Variants in MYOM3 observed in about 807,000 individuals in gnomAD.
The protein encoded by MYOM3 is myomesin 3, also known as myomesin-3.
A neutral mutation model predicts 191.7 loss-of-function variants in MYOM3; 155 were observed. The ratio of observed to expected loss-of-function variants is 0.81; its 90% CI spans 0.71 to 0.92. MYOM3 has a LOEUF of 0.92. MYOM3 is among the 40% of genes least tolerant of loss of function. The probability of loss-of-function intolerance (pLI) is 0.00; values close to 1 mark genes in which losing one functional copy is unlikely to be tolerated. For synonymous variants in MYOM3, 757 were observed against 762.9 expected (o/e 0.99, Z 0.13); for missense variants, 1,889 against 1,890.6 (o/e 1.00, Z 0.02).
At chr1:24,091,114 T>A in intron 11 of MYOM3, 118 bp from the exon 12 acceptor site, 1 of 1,192,136 alleles carries the variant, frequency 8.4e-7, no homozygotes, top group Non-Finnish European at 1.2e-6. Context: ...CTCTGCCAAT[T>A]AAAGTTCTTC....
rs1644038148 is a variant in MYOM3 at position 24,111,523 on chromosome 1, C to T, written c.-19+508G>A. 6.6e-6 allele frequency among the ~76,000 whole-genome samples: 1 copy of T among 152,230 alleles called. No homozygotes were observed. The highest frequency in any genetic ancestry group is 1.5e-5 in the Non-Finnish European group (1 of 68,032). ...GTCATGAGCTGAGGCAACTCCTTTC[C>T]CGTCTGGGCCTCGGTTTCCTGTCAG... On this transcript the variant is annotated intron_variant, in intron 1 of 36. Transcript: ENST00000374434. This position sits in a 1 kb window ranked among gnomAD's most constrained non-coding sequence, Gnocchi z 4.7.
chr1:24,107,575 C>T (rs574627386), intron 3 of MYOM3, among the ~76,000 whole-genome samples: 2 of 152,306 alleles, frequency 1.3e-5, no homozygotes, highest in Admixed American at 1.3e-4. Context: ...ACCACCCAAG[C>T]CTCCTAGCCC....
intron 14 of MYOM3, among the ~76,000 whole-genome samples, chr1:24,088,151 G>A (rs1355980340): frequency 1.3e-5 from 2 of 152,130 alleles, no homozygotes; most frequent in African/African-American, 4.8e-5. Flanking sequence ...ACAGATGAGT[G>A]AGGTACCCAG....
chr1:24,093,238 T>G, intron 9 of MYOM3, 130 bp from the exon 10 acceptor site: 1 of 646,070 alleles, frequency 1.5e-6, no homozygotes, highest in South Asian at 1.9e-5. Context: ...AGCTCAGGCC[T>G]TGGGTGGGGG....
rs1643689065 is a variant in MYOM3, at chr1:24,082,728, G to A, written c.1971-14C>T. 1 of 1,587,110 alleles carries A rather than the reference G, an allele frequency of 6.3e-7. No individual in the cohort carries two copies. The highest frequency in any genetic ancestry group is 1.4e-5 in the African/African-American group (1 of 73,476). On this transcript the variant is annotated splice_polypyrimidine_tract_variant and intron_variant, in intron 16 of 36. Coordinates refer to ENST00000374434, the MANE Select transcript of MYOM3 (RefSeq NM_152372.4). Reference sequence around the variant, plus strand: ...GGAACTGTAAACCTGGGAGAGAAATGTGCAGCTTTCATGGATGTACAAACA... The same window carrying A: ...GGAACTGTAAACCTGGGAGAGAAATATGCAGCTTTCATGGATGTACAAACA...
chr1:24,082,246 G>A (rs754066189), intron 17 of MYOM3, 58 bp from the exon 18 acceptor site: 46 of 1,462,062 alleles, frequency 3.1e-5, no homozygotes, highest in Non-Finnish European at 4.1e-5. Flanking sequence ...GGATTGGACA[G>A]TGGGGCCTGA....
intron 5 of MYOM3, among the ~76,000 whole-genome samples, chr1:24,100,358 G>A (rs992800610): frequency 6.6e-6 from 1 of 152,160 alleles, no homozygotes; most frequent in Non-Finnish European, 1.5e-5. Flanking sequence ...AGGTGCTCAA[G>A]GGTTTATTTC....
intron 18 of MYOM3, 24 bp downstream of exon 18, chr1:24,081,977 G>A: frequency 6.3e-7 from 1 of 1,594,448 alleles, no homozygotes; most frequent in Non-Finnish European, 8.5e-7. Flanking sequence ...CATGACACAG[G>A]CTGGGGCCAC....
Position 24,089,609 on chromosome 1 carries a change from C to T in MYOM3, c.1543G>A (p.Ala515Thr), listed in dbSNP as rs1439056793. ...TNVHASEIRE[A>T]YVVLAWEEPS... ...TCCTCCCAGGCCAGAACCACATAGG[C>T]CTCTCGGATCTCGCTGGCATGGACA... The change falls in exon 14 of 37, where the codon GCC becomes ACC. Residue 515 changes from alanine to threonine, a missense_variant. By Grantham distance (58) the Ala-to-Thr change is moderately conservative. Transcript: ENST00000374434. 2.5e-6 allele frequency: 4 copies of T among 1,595,556 alleles called. No homozygotes were observed. Among genetic ancestry groups the T allele is most frequent in the Non-Finnish European group, 3.4e-6 (4 of 1,171,288 alleles).
intron 29 of MYOM3, among the ~76,000 whole-genome samples, chr1:24,064,628 G>T (rs1184549516): frequency 6.6e-6 from 1 of 152,222 alleles, no homozygotes; most frequent in East Asian, 1.9e-4. Flanking sequence ...GCCCATGTTT[G>T]TCAGCCCCAA....
At chr1:24,102,292 G>A (rs1483396161) in intron 5 of MYOM3, among the ~76,000 whole-genome samples, 1 of 152,178 alleles carries the variant, frequency 6.6e-6, no homozygotes, top group Non-Finnish European at 1.5e-5. Flanking sequence ...TAATCTGGGT[G>A]CCCAATCTCT....
intron 18 of MYOM3, 192 bp downstream of exon 18, chr1:24,081,809 A>C: frequency 1.6e-6 from 1 of 623,142 alleles, no homozygotes; most frequent in Non-Finnish European, 2.8e-6. Context: ...AGCTCAAGCA[A>C]TCCCAGCTCA....
In MYOM3 at chr1:24,057,371, C is replaced by T. The variant is rs767491269; in HGVS notation, c.4307G>A (p.Ser1436Asn). The T allele has an allele frequency of 1.4e-5, 22 of 1,612,928 alleles. No individual in the cohort carries two copies. The African/African-American group carries it at 2.7e-4, about 20-fold the overall frequency. The change falls in exon 37 of 37, where the codon AGC becomes AAC. Residue 1436 changes from serine to asparagine, a missense_variant. Transcript: ENST00000374434. The part of the protein sequence containing the change: ...KHGDEPKELK[S>N]M Reference sequence around the variant, plus strand: ...GTGCCTGGACACACGCTGTCACATGCTCTTCAGCTCCTTGGGCTCGTCCCC... The same window carrying T: ...GTGCCTGGACACACGCTGTCACATGTTCTTCAGCTCCTTGGGCTCGTCCCC...
intron 34 of MYOM3, 45 bp downstream of exon 34, chr1:24,061,228 T>C (rs1218994013): frequency 6.2e-7 from 1 of 1,612,846 alleles, no homozygotes. Flanking sequence ...TGCCACACCC[T>C]GAAGGGGCCT....
chr1:24,082,233 G>T (rs746441065), intron 17 of MYOM3, 45 bp from the exon 18 acceptor site: 4 of 1,516,406 alleles, frequency 2.6e-6, no homozygotes, highest in Non-Finnish European at 3.6e-6. Flanking sequence ...CCTAGGGGTG[G>T]CTGGATTGGA....
At chr1:24,109,227 G>T (rs1344451710) in intron 1 of MYOM3, among the ~76,000 whole-genome samples, 1 of 152,184 alleles carries the variant, frequency 6.6e-6, no homozygotes, top group Admixed American at 6.5e-5. Context: ...TTAGCAGAGA[G>T]ACTCTGAGTC....
At chr1:24,067,348 CTTTCTT>C (rs781449706) in intron 27 of MYOM3, among the ~76,000 whole-genome samples, 2 of 73,082 alleles carry the variant, frequency 2.7e-5, no homozygotes, top group Non-Finnish European at 2.8e-5. Context: ...TTCTTTCTTT[CTTTCTT>C]TCTTTCTTTC....
At chr1:24,060,959 C>A (rs1643362714) in intron 35 of MYOM3, 101 bp downstream of exon 35, 2 of 1,361,770 alleles carry the variant, frequency 1.5e-6, no homozygotes, top group African/African-American at 2.9e-5. Context: ...ACAGACCCCA[C>A]TGTGGAATGA....
In MYOM3 at chr1:24,086,729, A is replaced by G. The variant is rs1198916813; in HGVS notation, c.1713T>C (p.Tyr571=). The change falls in exon 15 of 37, where the codon TAT becomes TAC. Residue 571 remains tyrosine (Y), a synonymous_variant. Coordinates refer to ENST00000374434, the MANE Select transcript of MYOM3 (RefSeq NM_152372.4). The part of the protein sequence containing the change: ...AVLDLEKKKS[Y]VFRVRAMNQY... ...GGTTCATTGCTCGCACTCTGAAGAC[A>G]TACGACTTCTTTTTCTCCAGGTCCA... 6.8e-6 allele frequency: 11 copies of G among 1,614,162 alleles called. No individual in the cohort carries two copies. In the South Asian group the frequency reaches 7.7e-5, roughly 11 times the overall value.
Sources: gnomAD v4.1 joint callset for allele counts (sites outside exome capture counted in the v4.1 genomes callset) on GRCh38, gnomAD v4.1.1 for gene constraint, Gnocchi (gnomAD v3.1) non-coding constraint, MANE v1.5 for transcripts, NCBI Gene and HGNC (gene_info 2026-07-23, HGNC 2026-07-21) for gene names.